Variants in TBC1D22A observed in about 807,000 individuals in gnomAD.
TBC1D22A encodes the protein TBC1 domain family member 22A, also known as putative GTPase activator.
In TBC1D22A, 38 loss-of-function variants were observed where a neutral mutation model predicts 60.2. The observed-to-expected ratio is 0.63, with a 90% CI of 0.49 to 0.83. TBC1D22A has a LOEUF of 0.83. Ranked by LOEUF, TBC1D22A falls within the 40% of genes least tolerant of loss-of-function variation. The pLI, the probability that TBC1D22A is intolerant of heterozygous loss-of-function variation, is 0.00. For synonymous variants in TBC1D22A, 302 were observed against 281.7 expected (o/e 1.07, Z -0.72); for missense variants, 628 against 701.0 (o/e 0.90, Z 1.18).
At chr22:46,842,108 T>G (rs2086797683) in intron 4 of TBC1D22A, among the ~76,000 whole-genome samples, 2 of 152,226 alleles carry the variant, frequency 1.3e-5, no homozygotes, top group South Asian at 4.1e-4. Flanking sequence ...GTTACAGGTA[T>G]AGGTATTTTT....
At position 46,810,226 on chromosome 22, in the gene TBC1D22A, C is replaced by T. The variant is rs572089934; in HGVS notation, c.637+12606C>T. Among the ~76,000 whole-genome samples the T allele has an allele frequency of 7.2e-5, 11 of 152,316 alleles. No individual in the cohort carries two copies. The South Asian group carries it at 1.0e-3, about 14-fold the overall frequency. ...TTCTAATTGGAAAAGCTGCATTATA[C>T]GAAGTTAAAACATTTACAGTGGTTC... On this transcript the variant is annotated intron_variant, in intron 4 of 12. Coordinates refer to ENST00000337137, the MANE Select transcript of TBC1D22A (RefSeq NM_014346.5).
intron 1 of TBC1D22A, among the ~76,000 whole-genome samples, chr22:46,790,214 G>A (rs779458773): frequency 4.6e-5 from 7 of 152,204 alleles, no homozygotes; most frequent in African/African-American, 1.4e-4. Flanking sequence ...CCAGGAAGCC[G>A]CCCACGTTCC....
intron 11 of TBC1D22A, among the ~76,000 whole-genome samples, chr22:47,074,898 T>G (rs1369096194): frequency 6.6e-6 from 1 of 152,170 alleles, no homozygotes; most frequent in Non-Finnish European, 1.5e-5. Context: ...CCAGACCTCC[T>G]GGGTTAATCA....
rs367772036 is a variant in TBC1D22A, at chr22:46,930,622, AT to A, written c.1015+18448del. Reference sequence around the variant, plus strand: ...GGGCGCCCACCACCACGCCTGGCTAATTTTTTTTTTTTTTGTATTTTTAGTA... The same window carrying A: ...GGGCGCCCACCACCACGCCTGGCTAATTTTTTTTTTTTTGTATTTTTAGTA... On this transcript the variant is annotated intron_variant, in intron 8 of 12. Coordinates refer to ENST00000337137, the MANE Select transcript of TBC1D22A (RefSeq NM_014346.5). 2.1e-3 allele frequency among the ~76,000 whole-genome samples: 302 copies of A among 143,506 alleles called. 1 individual carries two copies. Among genetic ancestry groups the A allele is most frequent in the African/African-American group, 6.3e-3 (243 of 38,818 alleles). 94.1% of individuals were successfully genotyped at this position (143,506 alleles called of 152,430 possible). A position where few individuals can be genotyped will look rare whatever the true frequency, so the allele number is the denominator to read the frequency against.
chr22:46,936,349 G>C (rs2071653931), intron 8 of TBC1D22A, among the ~76,000 whole-genome samples: 1 of 152,108 alleles, frequency 6.6e-6, no homozygotes, highest in Non-Finnish European at 1.5e-5. Flanking sequence ...CCTGGGGCCA[G>C]GCTCCTCGTG....
intron 7 of TBC1D22A, among the ~76,000 whole-genome samples, chr22:46,906,542 C>T (rs543035782): frequency 1.3e-5 from 2 of 152,144 alleles, no homozygotes; most frequent in African/African-American, 4.8e-5. Context: ...TGATGGCAGG[C>T]GCGGGAGCAC....
At chr22:46,963,380 A>ATCAC (rs1555971754) in intron 8 of TBC1D22A, among the ~76,000 whole-genome samples, 28 of 150,762 alleles carry the variant, frequency 1.9e-4, no homozygotes, top group African/African-American at 3.4e-4. Context: ...CGCAGTGCCC[A>ATCAC]AGGCTGGAAA....
chr22:46,960,337 C>G (rs1027368403), intron 8 of TBC1D22A, among the ~76,000 whole-genome samples: 22 of 152,082 alleles, frequency 1.4e-4, no homozygotes, highest in Non-Finnish European at 1.5e-5. Flanking sequence ...TATGGGCTCA[C>G]TGCAACCTCC....
rs555799224 is a variant in TBC1D22A, at chr22:47,048,343, A to C, written c.1329+11145A>C. On this transcript the variant is annotated intron_variant, in intron 11 of 12. Transcript: ENST00000337137. ...GTCAGGTAGGGAAAGGGTGGCATCC[A>C]GCCTGAGGTCGGGAGGTGGAGGACG... Among the ~76,000 whole-genome samples the C allele has an allele frequency of 2.0e-5, 3 of 152,184 alleles. No homozygotes were observed. In the South Asian group the frequency reaches 6.2e-4, roughly 32 times the overall value.
intron 4 of TBC1D22A, among the ~76,000 whole-genome samples, chr22:46,828,554 G>A (rs1374472928): frequency 5.3e-5 from 8 of 152,344 alleles, no homozygotes; most frequent in African/African-American, 1.7e-4. Flanking sequence ...GCCCAAGGGC[G>A]TCCAGCTTAC....
intron 8 of TBC1D22A, among the ~76,000 whole-genome samples, chr22:46,916,510 G>A (rs758393618): frequency 6.6e-6 from 1 of 152,240 alleles, no homozygotes; most frequent in Non-Finnish European, 1.5e-5. Context: ...GCATGCTCTT[G>A]CACACACACA....
intron 12 of TBC1D22A, among the ~76,000 whole-genome samples, chr22:47,137,937 C>T (rs976016751): frequency 2.0e-5 from 3 of 152,134 alleles, no homozygotes; most frequent in African/African-American, 7.2e-5. Context: ...CTTCGCCTCC[C>T]TCTTCAGGGC....
chr22:47,132,977 G>C (rs2066732471), intron 12 of TBC1D22A, among the ~76,000 whole-genome samples: 1 of 152,218 alleles, frequency 6.6e-6, no homozygotes, highest in African/African-American at 2.4e-5. Flanking sequence ...TTGGATGTGA[G>C]CTCATGACAG....
chr22:47,067,829 G>A (rs1040252628), intron 11 of TBC1D22A, among the ~76,000 whole-genome samples: 1 of 152,264 alleles, frequency 6.6e-6, no homozygotes, highest in African/African-American at 2.4e-5. Context: ...CACTTTCCCA[G>A]CTGAATGGCC....
chr22:46,893,403 G>A (rs1218255456), intron 6 of TBC1D22A, among the ~76,000 whole-genome samples: 1 of 152,154 alleles, frequency 6.6e-6, no homozygotes, highest in East Asian at 1.9e-4. Flanking sequence ...GTGGAGGACC[G>A]CCTCTCTAAT....
At chr22:47,026,351 C>A (rs2062258110) in intron 10 of TBC1D22A, among the ~76,000 whole-genome samples, 3 of 152,224 alleles carry the variant, frequency 2.0e-5, no homozygotes, top group Non-Finnish European at 4.4e-5. Flanking sequence ...CTTTTCACTT[C>A]TGTCCGGTGT....
chr22:47,120,067 C>T (rs1395692030), intron 12 of TBC1D22A, among the ~76,000 whole-genome samples: 1 of 152,128 alleles, frequency 6.6e-6, no homozygotes, highest in East Asian at 1.9e-4. Context: ...TCCTGGATGC[C>T]AGCCTAGAGT....
chr22:46,991,175 A>G (rs1490117907), intron 9 of TBC1D22A, among the ~76,000 whole-genome samples: 1 of 152,182 alleles, frequency 6.6e-6, no homozygotes, highest in South Asian at 2.1e-4. Context: ...AACACAGAAG[A>G]TCAGAGAAAT....
chr22:47,005,748 G>A (rs575487067), intron 10 of TBC1D22A, among the ~76,000 whole-genome samples: 10 of 147,588 alleles, frequency 6.8e-5, no homozygotes, highest in South Asian at 2.2e-4. Context: ...GTACACTCCC[G>A]TATACACACA....
Sources: allele counts gnomAD v4.1 joint callset (sites outside exome capture counted in the v4.1 genomes callset), GRCh38; gene constraint gnomAD v4.1.1; transcripts MANE v1.5; gene names NCBI Gene and HGNC (gene_info 2026-07-23, HGNC 2026-07-21).